The following TRIM6 variants were observed in gnomAD, a reference collection of about 807,000 sequenced individuals.
The protein encoded by TRIM6 is tripartite motif-containing protein 6.
In TRIM6, 43 loss-of-function variants were observed where a neutral mutation model predicts 51.2. That is an observed-to-expected ratio of 0.84 (90% CI 0.66 to 1.08). The LOEUF is 1.08. TRIM6 is among the 50% of genes least tolerant of loss of function. TRIM6 has a pLI of 0.00. For synonymous variants in TRIM6, 215 were observed against 232.4 expected (o/e 0.93, Z 0.68); for missense variants, 669 against 619.0 (o/e 1.08, Z -0.86).
chr11:5,603,171 G>A, intron 1 of TRIM6, 75 bp from the exon 2 acceptor site: 1 of 1,549,768 alleles, frequency 6.5e-7, no homozygotes, highest in Non-Finnish European at 8.7e-7. Flanking sequence ...CTTTATCCAG[G>A]ACTGGGCAGT....
intron 3 of TRIM6, 125 bp downstream of exon 3, chr11:5,604,754 C>T: frequency 1.0e-6 from 1 of 1,001,904 alleles, no homozygotes; most frequent in Non-Finnish European, 1.4e-6. Flanking sequence ...TTCCCTTTGC[C>T]TGGTCCTCCA....
intron 4 of TRIM6, among the ~76,000 whole-genome samples, chr11:5,607,203 C>CAA (rs556744032): frequency 2.2e-4 from 32 of 146,204 alleles, no homozygotes; most frequent in Admixed American, 6.8e-4. Flanking sequence ...GACTCCATCT[C>CAA]AAAAAAAAAA....
chr11:5,610,303 A>C (rs1848493528), intron 6 of TRIM6, 58 bp downstream of exon 6: 4 of 1,610,868 alleles, frequency 2.5e-6, no homozygotes, highest in Non-Finnish European at 8.5e-7. Flanking sequence ...GGAAGAAATA[A>C]ACGGGATAGA....
upstream of TRIM6, among the ~76,000 whole-genome samples, chr11:5,596,476 G>A (rs939276414): frequency 1.7e-4 from 25 of 145,502 alleles, no homozygotes; most frequent in Non-Finnish European, 3.6e-4. Context: ...TGTCAGGCGT[G>A]GATTCAGAGT....
chr11:5,610,200 A>T lies in TRIM6; in HGVS notation c.913A>T (p.Met305Leu), dbSNP rs200818216. 6.2e-7 allele frequency: 1 copy of T among 1,614,130 alleles called. No individual in the cohort carries two copies. Among genetic ancestry groups the T allele is most frequent in the Non-Finnish European group, 8.5e-7 (1 of 1,180,020 alleles). Residue 305 changes from methionine to leucine, a missense_variant, in exon 6 of 8, where the codon ATG (methionine) becomes TTG (leucine). Met to Leu is a conservative substitution (Grantham distance 15). Transcript: ENST00000380097. ...PEALPTKLRS[M>L]FRAPDLKRML... is the part of the protein sequence containing the mutation. ...AGCTCTCCCTACAAAGCTGAGAAGT[A>T]TGTTCCGAGCCCCAGATCTGAAAAG...
chr11:5,611,205 G>C lies in TRIM6; in HGVS notation c.1414G>C (p.Val472Leu). The C allele has an allele frequency of 1.9e-6, 3 of 1,614,076 alleles. No homozygotes were observed. The African/African-American group carries it at 4.0e-5, about 22-fold the overall frequency. The change falls in exon 8 of 8, where the codon GTC becomes CTC. Residue 472 changes from valine (V) to leucine (L), a missense_variant. Coordinates refer to ENST00000380097, the MANE Select transcript of TRIM6 (RefSeq NM_001003818.3). ...GVFLDYEAGTVSFYNVTNHGF... is the reference protein window; with the variant it reads ...GVFLDYEAGTLSFYNVTNHGF... ...TTTCTTAGATTATGAGGCTGGTACT[G>C]TCTCCTTTTATAATGTCACAAACCA...
At chr11:5,608,084 A>C (rs11822879) in intron 4 of TRIM6, among the ~76,000 whole-genome samples, 16,404 of 152,202 alleles carry the variant, frequency 0.11, 1,479 homozygotes, top group African/African-American at 0.23. Flanking sequence ...GGCCAGGCAC[A>C]ATGCCTGACA....
At chr11:5,603,001 C>T (rs905003874) in intron 1 of TRIM6, among the ~76,000 whole-genome samples, 1 of 152,106 alleles carries the variant, frequency 6.6e-6, no homozygotes, top group Non-Finnish European at 1.5e-5. Context: ...CTCACACAGG[C>T]CCCTCCTTTC....
chr11:5,601,071 C>T (rs6578665), intron 1 of TRIM6, among the ~76,000 whole-genome samples: 14,755 of 152,162 alleles, frequency 0.097, 994 homozygotes, highest in African/African-American at 0.18. Context: ...ACTGCCTTAC[C>T]GGCCACCTCT....
In TRIM6 at chr11:5,603,231, T is replaced by C; in HGVS notation, c.18-15T>C. ...TTCTTACCCTGATCCTTTTTTTGTT[T>C]GTTCATCTACCTAGGATTCTACAGG... On this transcript the variant is annotated splice_polypyrimidine_tract_variant and intron_variant, in intron 1 of 7. Coordinates refer to ENST00000380097, the MANE Select transcript of TRIM6 (RefSeq NM_001003818.3). The C allele has an allele frequency of 8.1e-6, 13 of 1,605,012 alleles. No homozygotes were observed. Among genetic ancestry groups the C allele is most frequent in the Non-Finnish European group, 9.4e-6 (11 of 1,174,378 alleles).
chr11:5,608,689 TCAAA>T (rs1314319475), intron 5 of TRIM6, among the ~76,000 whole-genome samples: 1 of 151,614 alleles, frequency 6.6e-6, no homozygotes, highest in African/African-American at 2.4e-5. Flanking sequence ...AGACTCTGCC[TCAAA>T]CAAACAAAAA....
At chr11:5,606,034 G>A (rs1019493735) in intron 4 of TRIM6, among the ~76,000 whole-genome samples, 7 of 152,176 alleles carry the variant, frequency 4.6e-5, no homozygotes, top group Non-Finnish European at 1.0e-4. Flanking sequence ...GCCCCAGGGT[G>A]AACACAGTGC....
Position 5,603,664 on chromosome 11 carries a change from C to A in TRIM6, c.436C>A (p.Leu146Ile), listed in dbSNP as rs1000662155. Residue 146 changes from leucine (L) to isoleucine (I), a missense_variant, in exon 2 of 8, where the codon CTT (leucine) becomes ATT (isoleucine). By Grantham distance (5) the Leu-to-Ile change is conservative (BLOSUM62 2). Coordinates refer to ENST00000380097, the MANE Select transcript of TRIM6 (RefSeq NM_001003818.3). ...CQEDGKVICW[L>I]CERSQEHRGH... ...GGAGGATGGGAAGGTCATTTGCTGG[C>A]TTTGTGAGCGGTCTCAGGAGCACCG... 1.9e-6 allele frequency: 3 copies of A among 1,613,338 alleles called. No homozygotes were observed. Among genetic ancestry groups the A allele is most frequent in the Non-Finnish European group, 2.5e-6 (3 of 1,179,946 alleles).
In TRIM6 at chr11:5,610,100, C is replaced by T. The variant is rs751973251; in HGVS notation, c.858-45C>T. 2.5e-6 allele frequency: 4 copies of T among 1,607,482 alleles called. No homozygotes were observed. In the Admixed American group the frequency reaches 6.7e-5, roughly 27 times the overall value. ...GTAAGGGAGATGGGTGGTGGAGGAA[C>T]CCACAGTCAGCAGTGTGGGAACTCA... On this transcript the variant is annotated intron_variant, in intron 5 of 7. Transcript: ENST00000380097.
intron 1 of TRIM6, among the ~76,000 whole-genome samples, 154 bp from the exon 2 acceptor site, chr11:5,603,092 T>A (rs532602580): frequency 3.3e-5 from 5 of 152,298 alleles, no homozygotes; most frequent in Non-Finnish European, 5.9e-5. Context: ...TGGTGCCTTG[T>A]ATGAGCCGGG....
upstream of TRIM6, among the ~76,000 whole-genome samples, chr11:5,596,363 G>A (rs1477511080): frequency 1.3e-5 from 2 of 152,068 alleles, no homozygotes; most frequent in Non-Finnish European, 1.5e-5. Context: ...CTTTGCAGCT[G>A]GGAATAGGCC....
rs1847497469 is a variant in TRIM6, at chr11:5,596,871, G to A, written c.-27G>A. 1 of 1,613,828 alleles carries A rather than the reference G, an allele frequency of 6.2e-7. No individual in the cohort carries two copies. The highest frequency in any genetic ancestry group is 8.5e-7 in the Non-Finnish European group (1 of 1,179,970). On this transcript the variant is annotated 5_prime_UTR_variant, in exon 1 of 8. Coordinates refer to ENST00000380097, the MANE Select transcript of TRIM6 (RefSeq NM_001003818.3). ...TGACCACCTGATATTGCTTACATCT[G>A]GAACTTCTTGGCTTCTCATTCCCCA...
chr11:5,609,274 G>C (rs1440435924), intron 5 of TRIM6, among the ~76,000 whole-genome samples: 2 of 152,136 alleles, frequency 1.3e-5, no homozygotes, highest in Admixed American at 6.5e-5. Context: ...TCCGTTTGGA[G>C]GTGAGGACAT....
chr11:5,603,102 G>C, intron 1 of TRIM6, 144 bp from the exon 2 acceptor site: 2 of 1,383,266 alleles, frequency 1.4e-6, no homozygotes, highest in East Asian at 2.4e-5. Flanking sequence ...TATGAGCCGG[G>C]ATAAAGAACG....
Sources: allele counts gnomAD v4.1 joint callset (sites outside exome capture counted in the v4.1 genomes callset), GRCh38; gene constraint gnomAD v4.1.1; transcripts MANE v1.5; gene names NCBI Gene and HGNC (gene_info 2026-07-23, HGNC 2026-07-21).